The following RPGRIP1 variants were observed in gnomAD, a reference collection of about 807,000 sequenced individuals.
The protein encoded by RPGRIP1 is X-linked retinitis pigmentosa GTPase regulator-interacting protein 1.
A neutral mutation model predicts 157.9 loss-of-function variants in RPGRIP1; 128 were observed. The observed-to-expected ratio is 0.81, with a 90% CI of 0.70 to 0.94. The LOEUF is 0.94. Ranked by LOEUF, RPGRIP1 falls within the 40% of genes least tolerant of loss-of-function variation. The pLI is 0.00. For missense variants in RPGRIP1, 1,486 were observed against 1,545.8 expected (o/e 0.96, Z 0.65); for synonymous variants, 554 against 571.6 (o/e 0.97, Z 0.44).
At position 21,344,723 on chromosome 14, in the gene RPGRIP1, A is replaced by G. The variant is rs1236363386; in HGVS notation, c.3533-390A>G. On this transcript the variant is annotated intron_variant, in intron 22 of 24. Coordinates refer to ENST00000400017, the MANE Select transcript of RPGRIP1 (RefSeq NM_020366.4). ...CACTTTGGGAAGCCAAGGCGGGCAG[A>G]TTACTTGAGGTCAGAAGTTGGAGAC... Among the ~76,000 whole-genome samples the G allele has an allele frequency of 2.0e-5, 3 of 152,188 alleles. No homozygotes were observed. The East Asian group carries it at 5.8e-4, about 29-fold the overall frequency.
intron 6 of RPGRIP1, among the ~76,000 whole-genome samples, chr14:21,304,389 G>GAAAGAA (rs1555365552): frequency 2.1e-4 from 25 of 121,034 alleles, no homozygotes; most frequent in African/African-American, 7.0e-4. Flanking sequence ...GAAGGAGAGA[G>GAAAGAA]AGAAAGAAAG....
At chr14:21,318,692 G>T (rs1882062144) in intron 11 of RPGRIP1, among the ~76,000 whole-genome samples, 1 of 148,908 alleles carries the variant, frequency 6.7e-6, no homozygotes, top group African/African-American at 2.5e-5. Flanking sequence ...TGGCCAGGCT[G>T]GTCTGAAACT....
chr14:21,282,430 G>A (rs943507913), intron 1 of RPGRIP1, among the ~76,000 whole-genome samples: 1 of 151,716 alleles, frequency 6.6e-6, no homozygotes, highest in African/African-American at 2.4e-5. Flanking sequence ...TAGAGACGGG[G>A]TTTCACTATG....
At chr14:21,298,373 G>A (rs368350911) in intron 3 of RPGRIP1, among the ~76,000 whole-genome samples, 23 of 152,040 alleles carry the variant, frequency 1.5e-4, no homozygotes, top group African/African-American at 4.6e-4. Context: ...GGTGGCAGGC[G>A]CCTATAATCC....
chr14:21,335,895 A>G (rs868786303), intron 21 of RPGRIP1, among the ~76,000 whole-genome samples: 36 of 152,354 alleles, frequency 2.4e-4, no homozygotes, highest in Non-Finnish European at 4.3e-4. Context: ...CACATGAGGT[A>G]GAAAACAATT....
At chr14:21,302,861 TTG>T in intron 5 of RPGRIP1, 1 of 181,028 alleles carries the variant, frequency 5.5e-6, no homozygotes. Flanking sequence ...AATTCCTTTG[TTG>T]TGTTTTTTTT....
At chr14:21,332,932 C>T (rs139664466) in intron 20 of RPGRIP1, among the ~76,000 whole-genome samples, 4,386 of 152,038 alleles carry the variant, frequency 0.029, 208 homozygotes, top group African/African-American at 0.098. Context: ...GGTAAAACCC[C>T]GCCTCTACTA....
chr14:21,330,370 C>A lies in RPGRIP1; in HGVS notation c.3221C>A (p.Pro1074His). ...LSHSALKQKE[P>H]LHPVNDKESS... ...CATTCAGCACTGAAACAGAAGGAACCTCTACATCCTGTAAATGGTATTGTC... is the reference window on the plus strand; with the variant it reads ...CATTCAGCACTGAAACAGAAGGAACATCTACATCCTGTAAATGGTATTGTC... The change falls in exon 20 of 25, where the codon CCT becomes CAT. Residue 1074 changes from proline to histidine, a missense_variant. Transcript: ENST00000400017. The A allele has an allele frequency of 6.5e-7, 1 of 1,531,392 alleles. No homozygotes were observed. The allele number at this position is 1,531,392 out of a possible 1,614,324, so 94.9% of individuals were successfully genotyped here.
At chr14:21,348,986 A>G (rs1193064319) in intron 24 of RPGRIP1, among the ~76,000 whole-genome samples, 1 of 151,352 alleles carries the variant, frequency 6.6e-6, no homozygotes, top group Non-Finnish European at 1.5e-5. Context: ...AAAGACATTA[A>G]CTGTCTCCTC....
chr14:21,306,406 T>C (rs1201971302), intron 6 of RPGRIP1, among the ~76,000 whole-genome samples: 1 of 151,770 alleles, frequency 6.6e-6, no homozygotes, highest in Non-Finnish European at 1.5e-5. Context: ...GTGCTGGGAT[T>C]ACAGGCGTGA....
chr14:21,316,821 C>T (rs1022152260), intron 10 of RPGRIP1, among the ~76,000 whole-genome samples: 1 of 152,020 alleles, frequency 6.6e-6, no homozygotes, highest in African/African-American at 2.4e-5. Context: ...GTATGAATGA[C>T]CAAGAACTAG....
Position 21,345,122 on chromosome 14 carries a change from T to A in RPGRIP1, c.3542T>A (p.Leu1181Gln). The A allele has an allele frequency of 6.2e-7, 1 of 1,611,862 alleles. No individual in the cohort carries two copies. Among genetic ancestry groups the A allele is most frequent in the Non-Finnish European group, 8.5e-7 (1 of 1,178,006 alleles). The change falls in exon 23 of 25, where the codon CTG (leucine) becomes CAG (glutamine). Residue 1181 changes from leucine to glutamine, a missense_variant. Coordinates refer to ENST00000400017, the MANE Select transcript of RPGRIP1 (RefSeq NM_020366.4). ...CTTACCCTTAATACAGTAATAGACCTGGACCCACAGGAGCAGCAAGGCCGA... is the reference window on the plus strand; with the variant it reads ...CTTACCCTTAATACAGTAATAGACCAGGACCCACAGGAGCAGCAAGGCCGA... ...IHFHFSKVID[L>Q]DPQEQQGRRR...
rs558117742 is a variant in RPGRIP1 at position 21,315,506 on chromosome 14, C to CAAA, written c.1152-2178_1152-2176dup. ...TGGGCGACAGAGCCAGACTCCGTCT[C>CAAA]AAAAAAAAAAAAAACAAAAAACTTA... On this transcript the variant is annotated intron_variant, in intron 10 of 24. Transcript: ENST00000400017. Among the ~76,000 whole-genome samples the CAAA allele has an allele frequency of 1.0e-4, 10 of 98,056 alleles. No homozygotes were observed. The East Asian group carries it at 1.1e-3, about 10-fold the overall frequency. The allele number at this position is 98,056 out of a possible 152,430, so 64.3% of individuals were successfully genotyped here.
chr14:21,303,960 C>G (rs866331575), intron 6 of RPGRIP1, among the ~76,000 whole-genome samples: 3 of 149,042 alleles, frequency 2.0e-5, no homozygotes, highest in Non-Finnish European at 4.4e-5. Flanking sequence ...TGCACTCTAG[C>G]CTGGGCAACA....
intron 24 of RPGRIP1, among the ~76,000 whole-genome samples, chr14:21,349,999 C>G (rs1166239680): frequency 6.6e-6 from 1 of 152,116 alleles, no homozygotes; most frequent in Non-Finnish European, 1.5e-5. Context: ...CTTCCAGACA[C>G]ACACCCCATT....
At position 21,307,717 on chromosome 14, in the gene RPGRIP1, G is replaced by A. The variant is rs368869746; in HGVS notation, c.801-14G>A. The A allele has an allele frequency of 3.2e-5, 47 of 1,488,434 alleles. No homozygotes were observed. In the African/African-American group the frequency reaches 4.7e-4, roughly 15 times the overall value. The allele number at this position is 1,488,434 out of a possible 1,614,324, so 92.2% of individuals were successfully genotyped here. On this transcript the variant is annotated splice_polypyrimidine_tract_variant and intron_variant, in intron 6 of 24. Coordinates refer to ENST00000400017, the MANE Select transcript of RPGRIP1 (RefSeq NM_020366.4). ...CCATGTTCAGACAGAATAATTTAGC[G>A]CCTTTCTCTGCAGAGCTTCCATTAA... is the stretch of plus-strand genomic sequence containing the variant.
chr14:21,325,953 C>T lies in RPGRIP1; in HGVS notation c.2490C>T (p.Thr830=), dbSNP rs748441119. Residue 830 remains threonine, a synonymous_variant, in exon 17 of 25, where the codon ACC becomes ACT. Transcript: ENST00000400017. ...PSPYAVYRFF[T]FSDHDTAIIP... ...CATATGCTGTGTACCGCTTCTTCAC[C>T]TTTTCTGACCATGACACTGCCATCA... is the stretch of plus-strand genomic sequence containing the variant. The T allele has an allele frequency of 3.8e-5, 61 of 1,613,884 alleles. No individual in the cohort carries two copies. The highest frequency in any genetic ancestry group is 4.7e-5 in the Non-Finnish European group (56 of 1,179,900).
At chr14:21,304,409 AAGAAAG>A (rs1228746479) in intron 6 of RPGRIP1, among the ~76,000 whole-genome samples, 1 of 150,172 alleles carries the variant, frequency 6.7e-6, no homozygotes, top group Non-Finnish European at 1.5e-5. Context: ...GAAAGAAAGA[AAGAAAG>A]AAAGAAAGAA....
chr14:21,338,260 C>T (rs1336591116), intron 21 of RPGRIP1, among the ~76,000 whole-genome samples: 3 of 152,190 alleles, frequency 2.0e-5, no homozygotes, highest in Admixed American at 6.5e-5. Flanking sequence ...CAATCATTTT[C>T]ATTTGCTCTA....
Sources: allele counts gnomAD v4.1 joint callset (sites outside exome capture counted in the v4.1 genomes callset), GRCh38; gene constraint gnomAD v4.1.1; transcripts MANE v1.5; gene names NCBI Gene and HGNC (gene_info 2026-07-23, HGNC 2026-07-21).